The following DOCK1 variants were observed in gnomAD, a reference collection of about 807,000 sequenced individuals.
The protein encoded by DOCK1 is dedicator of cytokinesis protein 1.
A neutral mutation model predicts 262.7 loss-of-function variants in DOCK1; 138 were observed. The observed-to-expected ratio is 0.53, with a 90% CI of 0.46 to 0.61. The LOEUF is 0.61. Among genes scored for constraint, DOCK1 ranks in the 20% least tolerant of loss-of-function variants. The pLI is 0.00. For synonymous variants in DOCK1, 866 were observed against 867.4 expected (o/e 1.00, Z 0.03); for missense variants, 1,908 against 2,370.7 (o/e 0.80, Z 4.05).
intron 32 of DOCK1, among the ~76,000 whole-genome samples, chr10:127,360,614 C>T (rs10829839): frequency 0.26 from 39,376 of 152,094 alleles, 5,722 homozygotes; most frequent in African/African-American, 0.38. Flanking sequence ...AGGGATAAAA[C>T]GATGGAAAAT....
chr10:127,206,672 A>G (rs2057738762), intron 27 of DOCK1, among the ~76,000 whole-genome samples: 1 of 152,058 alleles, frequency 6.6e-6, no homozygotes, highest in Non-Finnish European at 1.5e-5. Flanking sequence ...TAAATAAAGA[A>G]CCTCGTGTAC....
chr10:126,941,257 A>T (rs2134250646), intron 1 of DOCK1, among the ~76,000 whole-genome samples: 1 of 152,294 alleles, frequency 6.6e-6, no homozygotes, highest in South Asian at 2.1e-4. Flanking sequence ...GTTTGATGGG[A>T]TGTATCCTGT....
chr10:126,938,048 CTT>C (rs36168243), intron 1 of DOCK1, among the ~76,000 whole-genome samples: 54 of 143,198 alleles, frequency 3.8e-4, no homozygotes, highest in Admixed American at 4.9e-4. Context: ...CCAGCTTCAT[CTT>C]TTTTTTTTTT....
At chr10:127,236,551 G>A (rs1261125051) in intron 27 of DOCK1, among the ~76,000 whole-genome samples, 1 of 112,270 alleles carries the variant, frequency 8.9e-6, no homozygotes, top group East Asian at 2.5e-4. Flanking sequence ...TATGTGTGCA[G>A]CCAGTTTGTT....
intron 27 of DOCK1, chr10:127,177,100 A>C (rs1018263251): frequency 1.3e-4 from 20 of 151,914 alleles, no homozygotes; most frequent in African/African-American, 4.6e-4. Context: ...CATGTTTGCA[A>C]CTCCTTTTAT....
chr10:127,275,273 A>G (rs1480582773), intron 29 of DOCK1, among the ~76,000 whole-genome samples: 2 of 151,432 alleles, frequency 1.3e-5, no homozygotes, highest in Non-Finnish European at 2.9e-5. Context: ...AACACAGGAG[A>G]GAGAAGACAG....
In DOCK1 at chr10:127,397,107, C is replaced by T. The variant is rs563742672; in HGVS notation, c.3928-5948C>T. Among the ~76,000 whole-genome samples the T allele has an allele frequency of 1.4e-5, 2 of 146,908 alleles. 1 individual carries two copies. Among genetic ancestry groups the T allele is most frequent in the South Asian group, 4.3e-4 (2 of 4,634 alleles). On this transcript the variant is annotated intron_variant, in intron 38 of 51. Coordinates refer to ENST00000623213, the MANE Select transcript of DOCK1 (RefSeq NM_001290223.2). Reference sequence around the variant, plus strand: ...TCCTATGTGATCTGAGCATCAGTTACACGGGCGGTGTCTCCTATGTGATCT... The same window carrying T: ...TCCTATGTGATCTGAGCATCAGTTATACGGGCGGTGTCTCCTATGTGATCT...
chr10:127,123,713 G>A (rs2133056410), intron 25 of DOCK1, among the ~76,000 whole-genome samples: 1 of 152,218 alleles, frequency 6.6e-6, no homozygotes, highest in South Asian at 2.1e-4. Context: ...ATTTCTCTTA[G>A]ACTGGCTTTG....
chr10:127,198,271 T>C (rs1193254506), intron 27 of DOCK1, among the ~76,000 whole-genome samples: 1 of 152,254 alleles, frequency 6.6e-6, no homozygotes, highest in Non-Finnish European at 1.5e-5. Flanking sequence ...GATGTGCTGT[T>C]GCAGCTGTGG....
At position 127,176,359 on chromosome 10, in the gene DOCK1, T is replaced by C. The variant is rs746933569; in HGVS notation, c.2847+48595T>C. The stretch of plus-strand genomic sequence containing the variant: ...GCGGGTTCCACTTCACTCTCCGACG[T>C]TGTGAGTATGCATTTGCCGGTGTCC... On this transcript the variant is annotated intron_variant, in intron 27 of 51. Coordinates refer to ENST00000623213, the MANE Select transcript of DOCK1 (RefSeq NM_001290223.2). The surrounding 1 kb of genome is among the most constrained non-coding windows in gnomAD (Gnocchi z 4.4). 4.3e-6 allele frequency: 7 copies of C among 1,612,794 alleles called. No individual in the cohort carries two copies. The highest frequency in any genetic ancestry group is 5.9e-6 in the Non-Finnish European group (7 of 1,179,652).
intron 1 of DOCK1, among the ~76,000 whole-genome samples, chr10:126,946,656 G>A (rs1267488703): frequency 2.0e-5 from 3 of 152,162 alleles, no homozygotes; most frequent in African/African-American, 7.2e-5. Flanking sequence ...ACATAGGAAC[G>A]GAATTGCACA....
chr10:127,003,072 G>A (rs527403536), intron 10 of DOCK1, among the ~76,000 whole-genome samples: 3 of 151,822 alleles, frequency 2.0e-5, no homozygotes, highest in East Asian at 3.9e-4. Flanking sequence ...GTGAACCTGC[G>A]TGAACCTTTA....
chr10:127,262,276 G>C lies in DOCK1; in HGVS notation c.3044+4847G>C, dbSNP rs561559066. On this transcript the variant is annotated intron_variant, in intron 29 of 51. Coordinates refer to ENST00000623213, the MANE Select transcript of DOCK1 (RefSeq NM_001290223.2). ...TACCTGCATGTGTGTGCATGTGGCT[G>C]TGTGTGTGTACCTGTGTGCTGAGGT... Among the ~76,000 whole-genome samples, 71 of 152,024 alleles carry C rather than the reference G, an allele frequency of 4.7e-4. 1 individual carries two copies. The highest frequency in any genetic ancestry group is 1.6e-3 in the African/African-American group (67 of 41,440).
chr10:127,253,944 A>G (rs1326872227), intron 28 of DOCK1, among the ~76,000 whole-genome samples: 3 of 151,186 alleles, frequency 2.0e-5, no homozygotes, highest in East Asian at 3.9e-4. Flanking sequence ...GCACGTTGGC[A>G]TATTTGCTTC....
At chr10:127,345,725 C>T (rs946212208) in intron 31 of DOCK1, among the ~76,000 whole-genome samples, 9 of 152,214 alleles carry the variant, frequency 5.9e-5, no homozygotes, top group African/African-American at 1.4e-4. Flanking sequence ...GTCTGTCGCT[C>T]GTCCTGGCTT....
chr10:127,438,560 A>G (rs1206472873), intron 48 of DOCK1, among the ~76,000 whole-genome samples: 1 of 152,192 alleles, frequency 6.6e-6, no homozygotes, highest in Non-Finnish European at 1.5e-5. Context: ...AGCCATGCAA[A>G]GTGCTTTCAC....
At chr10:126,933,625 G>A (rs1030957924) in intron 1 of DOCK1, among the ~76,000 whole-genome samples, 29 of 152,196 alleles carry the variant, frequency 1.9e-4, no homozygotes, top group African/African-American at 6.0e-4. Flanking sequence ...TCAGCCCCCC[G>A]GATGAGCAGG....
At chr10:127,133,658 A>G (rs940578187) in intron 27 of DOCK1, among the ~76,000 whole-genome samples, 13 of 152,356 alleles carry the variant, frequency 8.5e-5, no homozygotes, top group African/African-American at 3.1e-4. Context: ...TTGAATGGGC[A>G]CAATATGCTC....
At chr10:127,377,029 A>G (rs1194941927) in intron 35 of DOCK1, among the ~76,000 whole-genome samples, 1 of 152,242 alleles carries the variant, frequency 6.6e-6, no homozygotes, top group Non-Finnish European at 1.5e-5. Flanking sequence ...ACTAAGAAAC[A>G]CACCCTGGGT....
Sources: gnomAD v4.1 joint callset for allele counts (sites outside exome capture counted in the v4.1 genomes callset) on GRCh38, gnomAD v4.1.1 for gene constraint, Gnocchi (gnomAD v3.1) non-coding constraint, MANE v1.5 for transcripts, NCBI Gene and HGNC (gene_info 2026-07-23, HGNC 2026-07-21) for gene names.